CDKAL1: variants seen among roughly 807,000 people sequenced by gnomAD.
The protein encoded by CDKAL1 is threonylcarbamoyladenosine tRNA methylthiotransferase.
Under a neutral mutation model 68.2 loss-of-function variants are expected in CDKAL1, and 32 were observed. That is an observed-to-expected ratio of 0.47 (90% confidence interval 0.35 to 0.63). The LOEUF is 0.63. Ranked by LOEUF, CDKAL1 falls within the 30% of genes least tolerant of loss-of-function variation. The pLI, the probability that CDKAL1 is intolerant of heterozygous loss-of-function variation, is 0.00. For missense variants in CDKAL1, 606 were observed against 696.7 expected (o/e 0.87, Z 1.47); for synonymous variants, 234 against 244.3 (o/e 0.96, Z 0.39).
intron 4 of CDKAL1, among the ~76,000 whole-genome samples, chr6:20,604,190 A>G (rs765947930): frequency 2.6e-5 from 4 of 152,134 alleles, no homozygotes; most frequent in African/African-American, 4.8e-5. Flanking sequence ...ATTCACCCAC[A>G]TTAGGGCTTG....
At chr6:20,545,191 C>G (rs1485916310) in intron 2 of CDKAL1, among the ~76,000 whole-genome samples, 1 of 151,794 alleles carries the variant, frequency 6.6e-6, no homozygotes, top group African/African-American at 2.4e-5. Flanking sequence ...CATCATATTC[C>G]TTGGGTCCTG....
intron 7 of CDKAL1, among the ~76,000 whole-genome samples, chr6:20,776,953 C>G (rs184751395): frequency 2.6e-4 from 40 of 152,260 alleles, no homozygotes; most frequent in South Asian, 8.3e-4. Context: ...ATTTGGAGAA[C>G]TGTCAGGTTC....
intron 9 of CDKAL1, among the ~76,000 whole-genome samples, chr6:20,875,070 C>A (rs536584976): frequency 1.6e-3 from 250 of 151,530 alleles, no homozygotes; most frequent in African/African-American, 5.7e-3. Flanking sequence ...GAGGCCGAGG[C>A]GGGTGGATCA....
intron 9 of CDKAL1, among the ~76,000 whole-genome samples, chr6:20,893,534 T>C (rs1761520369): frequency 6.6e-6 from 1 of 152,200 alleles, no homozygotes. Context: ...AATATGTCAT[T>C]GCATAATTTT....
chr6:20,851,020 G>GT (rs5874789), intron 9 of CDKAL1, among the ~76,000 whole-genome samples: 9 of 150,588 alleles, frequency 6.0e-5, no homozygotes, highest in Non-Finnish European at 8.9e-5. Context: ...GTTTTCTGGC[G>GT]TTTTTTTTTT....
intron 12 of CDKAL1, among the ~76,000 whole-genome samples, chr6:21,068,077 C>A (rs898686109): frequency 6.6e-6 from 1 of 152,084 alleles, no homozygotes; most frequent in Non-Finnish European, 1.5e-5. Flanking sequence ...CCCGCCCTTA[C>A]CCCCAATTTA....
At chr6:20,873,903 G>A (rs1025939710) in intron 9 of CDKAL1, among the ~76,000 whole-genome samples, 3 of 152,164 alleles carry the variant, frequency 2.0e-5, no homozygotes, top group African/African-American at 7.2e-5. Context: ...GCTAAGGGGA[G>A]GTGAAAGAAT....
At chr6:20,718,251 C>T (rs1346491651) in intron 5 of CDKAL1, among the ~76,000 whole-genome samples, 2 of 152,196 alleles carry the variant, frequency 1.3e-5, no homozygotes, top group African/African-American at 4.8e-5. Flanking sequence ...TGGAGTAATA[C>T]TTCCCACTCA....
chr6:20,810,083 C>T (rs1343173957), intron 8 of CDKAL1, among the ~76,000 whole-genome samples: 2 of 152,076 alleles, frequency 1.3e-5, no homozygotes, highest in East Asian at 3.9e-4. Context: ...TATTTTTCTA[C>T]CCTCTGCTCT....
rs943302539 is a variant in CDKAL1, at chr6:20,605,573, A to G, written c.287-43720A>G. Among the ~76,000 whole-genome samples, 5 of 151,824 alleles carry G rather than the reference A, an allele frequency of 3.3e-5. No individual in the cohort carries two copies. In the East Asian group the frequency reaches 9.6e-4, roughly 29 times the overall value. ...TAAATTTTACCTTTTTGGTTGCTGG[A>G]TATTTTTGTGTTCTTATAAATATTT... On this transcript the variant is annotated intron_variant, in intron 4 of 15. Transcript: ENST00000274695.
chr6:20,744,289 G>A (rs1773575636), intron 6 of CDKAL1, among the ~76,000 whole-genome samples: 1 of 152,122 alleles, frequency 6.6e-6, no homozygotes, highest in African/African-American at 2.4e-5. Flanking sequence ...CTTAACATTT[G>A]CAGTAAAAAA....
At chr6:21,156,264 T>G (rs551064138) in intron 13 of CDKAL1, among the ~76,000 whole-genome samples, 1 of 151,542 alleles carries the variant, frequency 6.6e-6, no homozygotes, top group Non-Finnish European at 1.5e-5. Context: ...CTATAAAAAA[T>G]TTTTAAAAAA....
At chr6:20,654,344 GT>G (rs748531588) in intron 5 of CDKAL1, among the ~76,000 whole-genome samples, 2 of 147,066 alleles carry the variant, frequency 1.4e-5, no homozygotes, top group Non-Finnish European at 3.0e-5. Flanking sequence ...CATATATTAT[GT>G]GTCTTACATA....
chr6:20,772,499 T>C (rs1774989681), intron 7 of CDKAL1, among the ~76,000 whole-genome samples: 1 of 152,212 alleles, frequency 6.6e-6, no homozygotes, highest in South Asian at 2.1e-4. Flanking sequence ...AAACATAAAA[T>C]TAAATACTTA....
At chr6:20,964,298 C>T (rs922715338) in intron 10 of CDKAL1, among the ~76,000 whole-genome samples, 2 of 152,186 alleles carry the variant, frequency 1.3e-5, no homozygotes, top group African/African-American at 4.8e-5. Flanking sequence ...TCCTAGCAAT[C>T]CCATTACTGG....
In CDKAL1 at chr6:20,750,951, G is replaced by GAAA. The variant is rs59244637; in HGVS notation, c.469-7612_469-7610dup. 1.3e-3 allele frequency among the ~76,000 whole-genome samples: 59 copies of GAAA among 47,080 alleles called. 1 individual carries two copies. The highest frequency in any genetic ancestry group is 1.5e-3 in the Non-Finnish European group (44 of 29,372). 30.9% of individuals were successfully genotyped at this position (47,080 alleles called of 152,430 possible). ...TGCACTCCAGGCTGAGCAACAGAGT[G>GAAA]AAAAAAAAAAAAAAAAAAAAAAAAA... On this transcript the variant is annotated intron_variant, in intron 6 of 15. Transcript: ENST00000274695.
intron 7 of CDKAL1, among the ~76,000 whole-genome samples, chr6:20,768,430 A>C (rs1774794863): frequency 6.6e-6 from 1 of 152,210 alleles, no homozygotes; most frequent in South Asian, 2.1e-4. Context: ...GAATGTGACT[A>C]GCCTTTATCT....
intron 10 of CDKAL1, among the ~76,000 whole-genome samples, chr6:20,999,678 AAAAAAAAAAG>A (rs1207326427): frequency 6.8e-5 from 10 of 146,234 alleles, no homozygotes; most frequent in African/African-American, 2.7e-4. Flanking sequence ...AAAAAAAAAA[AAAAAAAAAAG>A]AAAGAAACAG....
intron 10 of CDKAL1, among the ~76,000 whole-genome samples, chr6:20,959,628 G>C (rs540134089): frequency 1.3e-5 from 2 of 151,298 alleles, no homozygotes; most frequent in Non-Finnish European, 2.9e-5. Flanking sequence ...TATGATGACA[G>C]TTGGTAGTAA....
Sources: gnomAD v4.1 joint callset for allele counts (sites outside exome capture counted in the v4.1 genomes callset) on GRCh38, gnomAD v4.1.1 for gene constraint, MANE v1.5 for transcripts, NCBI Gene and HGNC (gene_info 2026-07-23, HGNC 2026-07-21) for gene names.